Variants in GRID1 observed in about 807,000 individuals in gnomAD.
GRID1 encodes glutamate ionotropic receptor delta type subunit 1, also known as glutamate receptor ionotropic, delta-1.
A neutral mutation model predicts 98.0 loss-of-function variants in GRID1; 28 were observed. The observed-to-expected ratio is 0.29, with a 90% CI of 0.21 to 0.39. GRID1 has a LOEUF of 0.39. Among genes scored for constraint, GRID1 ranks in the 10% least tolerant of loss-of-function variants. GRID1 has a pLI of 1.00. For missense variants in GRID1, 1,111 were observed against 1,340.5 expected, an observed-to-expected ratio of 0.83 and a Z score of 2.67; for synonymous variants, 553 against 538.5, an observed-to-expected ratio of 1.03 and a Z score of -0.37.
chr10:85,807,796 C>T (rs1030429331), intron 8 of GRID1, among the ~76,000 whole-genome samples: 3 of 152,084 alleles, frequency 2.0e-5, no homozygotes, highest in Non-Finnish European at 2.9e-5. Flanking sequence ...AATATAACCA[C>T]ATTGGAAAAC....
rs753961444 is a variant in GRID1, at chr10:85,961,455, G to A, written c.727-45216C>T. Among the ~76,000 whole-genome samples, 9 of 152,228 alleles carry A rather than the reference G, an allele frequency of 5.9e-5. No individual in the cohort carries two copies. The South Asian group carries it at 1.7e-3, about 28-fold the overall frequency. On this transcript the variant is annotated intron_variant, in intron 4 of 15. Transcript: ENST00000327946. ...CCGCCACTTGGGTCCTGAGGCAAAC[G>A]AAATCAACTGGCTTGTGTCCAAAGA...
chr10:85,695,194 A>G (rs1013594823), intron 12 of GRID1, among the ~76,000 whole-genome samples: 11 of 152,206 alleles, frequency 7.2e-5, no homozygotes, highest in Admixed American at 3.3e-4. Flanking sequence ...TCAACAGTCT[A>G]TAGAGTAAGC....
At chr10:85,947,053 T>C (rs1210467255) in intron 4 of GRID1, among the ~76,000 whole-genome samples, 1 of 152,088 alleles carries the variant, frequency 6.6e-6, no homozygotes, top group African/African-American at 2.4e-5. Context: ...CCACCAGCAC[T>C]GTCCACCCGC....
chr10:86,064,699 T>A (rs188448102), intron 4 of GRID1, among the ~76,000 whole-genome samples: 139 of 152,284 alleles, frequency 9.1e-4, no homozygotes, highest in African/African-American at 3.1e-3. Flanking sequence ...CACTCCCCAG[T>A]ACCCAGCAAC....
At chr10:86,011,155 T>C (rs61856018) in intron 4 of GRID1, among the ~76,000 whole-genome samples, 8,344 of 152,302 alleles carry the variant, frequency 0.055, 290 homozygotes, top group Middle Eastern at 0.088. Context: ...CTGGGGCTGA[T>C]ATTCTAATCT....
At chr10:85,899,437 G>T (rs183443957) in intron 5 of GRID1, among the ~76,000 whole-genome samples, 236 of 152,198 alleles carry the variant, frequency 1.6e-3, no homozygotes, top group African/African-American at 5.6e-3. Context: ...CCCAGTAGTG[G>T]GACTGCTGAG....
At position 85,852,595 on chromosome 10, in the gene GRID1, A is replaced by G. The variant is rs546593569; in HGVS notation, c.1233+1901T>C. ...ACTTCAAAATAAGACTTGGGGATGA[A>G]GGCAAGTGCGCCAGGACCGTGGTCG... On this transcript the variant is annotated intron_variant, in intron 8 of 15. Coordinates refer to ENST00000327946, the MANE Select transcript of GRID1 (RefSeq NM_017551.3). 2.7e-4 allele frequency among the ~76,000 whole-genome samples: 41 copies of G among 152,324 alleles called. 1 individual carries two copies. In the South Asian group the frequency reaches 8.5e-3, roughly 32 times the overall value.
intron 2 of GRID1, among the ~76,000 whole-genome samples, chr10:86,290,031 C>G (rs1396960856): frequency 1.3e-5 from 2 of 151,594 alleles, no homozygotes; most frequent in Admixed American, 1.3e-4. Flanking sequence ...AAGGCGTAAC[C>G]GCTAGATCCA....
At chr10:85,620,603 C>T (rs768454495) in intron 13 of GRID1, among the ~76,000 whole-genome samples, 16 of 152,114 alleles carry the variant, frequency 1.1e-4, no homozygotes, top group Non-Finnish European at 2.2e-4. Flanking sequence ...TGTCTAGAGC[C>T]CCCTGTGCAT....
chr10:85,819,741 C>G (rs1192679838), intron 8 of GRID1, among the ~76,000 whole-genome samples: 1 of 152,004 alleles, frequency 6.6e-6, no homozygotes, highest in East Asian at 1.9e-4. Flanking sequence ...CGGTGAAACC[C>G]TGTCTCTACT....
intron 8 of GRID1, among the ~76,000 whole-genome samples, chr10:85,847,398 T>C (rs763206002): frequency 2.0e-5 from 3 of 152,190 alleles, no homozygotes; most frequent in African/African-American, 4.8e-5. Context: ...TAATGTGAAA[T>C]AGTAAGTCTT....
intron 2 of GRID1, among the ~76,000 whole-genome samples, chr10:86,361,538 C>T (rs1225590578): frequency 3.3e-5 from 5 of 152,180 alleles, no homozygotes; most frequent in Non-Finnish European, 7.4e-5. Context: ...TGGAGCCTGA[C>T]ACATTTTTCC....
intron 4 of GRID1, among the ~76,000 whole-genome samples, chr10:86,043,954 T>C (rs1427766342): frequency 6.6e-6 from 1 of 152,224 alleles, no homozygotes; most frequent in East Asian, 1.9e-4. Context: ...TTTAACATGA[T>C]CATTGAAAGA....
intron 4 of GRID1, among the ~76,000 whole-genome samples, chr10:86,090,976 G>A (rs1363455940): frequency 6.6e-6 from 1 of 152,218 alleles, no homozygotes. Flanking sequence ...AGCAGCAGAA[G>A]GCCCTGGGAG....
Position 86,206,878 on chromosome 10 carries a change from G to A in GRID1, c.236-230C>T, listed in dbSNP as rs1354190370. Among the ~76,000 whole-genome samples, 1 of 152,200 alleles carries A rather than the reference G, an allele frequency of 6.6e-6. No individual in the cohort carries two copies. The highest frequency in any genetic ancestry group is 1.5e-5 in the Non-Finnish European group (1 of 68,032). ...ACATTCTTGTACCCATTTAACATGAGAAAATAGAAGTCAAAACGGGCAAAA... is the reference window on the plus strand; with the variant it reads ...ACATTCTTGTACCCATTTAACATGAAAAAATAGAAGTCAAAACGGGCAAAA... On this transcript the variant is annotated intron_variant, in intron 2 of 15. Coordinates refer to ENST00000327946, the MANE Select transcript of GRID1 (RefSeq NM_017551.3). The surrounding 1 kb of genome is among the most constrained non-coding windows in gnomAD (Gnocchi z 4.1).
intron 8 of GRID1, among the ~76,000 whole-genome samples, chr10:85,811,659 C>CA (rs1842672862): frequency 1.3e-5 from 2 of 151,310 alleles, no homozygotes; most frequent in Non-Finnish European, 2.9e-5. Context: ...CAAAAGCAGA[C>CA]AAAAAAAGAG....
intron 4 of GRID1, among the ~76,000 whole-genome samples, chr10:85,985,476 C>T (rs1830256220): frequency 6.6e-6 from 1 of 152,216 alleles, no homozygotes; most frequent in Admixed American, 6.5e-5. Context: ...ACTAGACGGT[C>T]ACCTTCAGAG....
chr10:85,727,897 A>G lies in GRID1; in HGVS notation c.1491T>C (p.His497=). ...APDGRYGHQL[H]NTSWNGMIGE... is the part of the protein sequence containing the mutation. The stretch of plus-strand genomic sequence containing the variant: ...CGATCATCCCGTTCCAGGAGGTGTT[A>G]TGGAGCTGGTGACCGTACCTGCCAT... Residue 497 remains histidine (H), a synonymous_variant, in exon 10 of 16, where the codon CAT becomes CAC. Transcript: ENST00000327946. 1 of 1,613,940 alleles carries G rather than the reference A, an allele frequency of 6.2e-7. No homozygotes were observed. Among genetic ancestry groups the G allele is most frequent in the Non-Finnish European group, 8.5e-7 (1 of 1,179,932 alleles).
intron 12 of GRID1, 75 bp downstream of exon 12, chr10:85,722,928 T>A (rs1476569221): frequency 7.6e-7 from 1 of 1,320,550 alleles, no homozygotes; most frequent in African/African-American, 1.5e-5. Flanking sequence ...CATACCACAC[T>A]GCCCTGGAAA....
Sources: gnomAD v4.1 joint callset for allele counts (sites outside exome capture counted in the v4.1 genomes callset) on GRCh38, gnomAD v4.1.1 for gene constraint, Gnocchi (gnomAD v3.1) non-coding constraint, MANE v1.5 for transcripts, NCBI Gene and HGNC (gene_info 2026-07-23, HGNC 2026-07-21) for gene names.